ADAM33: variants seen among roughly 807,000 people sequenced by gnomAD.
The protein encoded by ADAM33 is ADAM metallopeptidase domain 33.
In ADAM33, 103 loss-of-function variants were observed where a neutral mutation model predicts 106.2. The observed-to-expected ratio is 0.97, with a 90% CI of 0.83 to 1.14. The LOEUF is 1.14. Ranked by LOEUF, ADAM33 falls within the 50% of genes most tolerant of loss-of-function variation. The pLI, the probability that ADAM33 is intolerant of heterozygous loss-of-function variation, is 0.00. For synonymous variants in ADAM33, 483 were observed against 453.0 expected, an observed-to-expected ratio of 1.07 and a Z score of -0.84; for missense variants, 1,120 against 1,096.6, an observed-to-expected ratio of 1.02 and a Z score of -0.30.
At chr20:3,672,948 C>A (rs781101933) in intron 11 of ADAM33, 50 bp from the exon 12 acceptor site, 2 of 1,477,592 alleles carry the variant, frequency 1.4e-6, no homozygotes, top group Non-Finnish European at 1.8e-6. Flanking sequence ...CCCCCAACCC[C>A]CGCGCTTCTC....
At chr20:3,671,190 C>T in intron 18 of ADAM33, 37 bp from the exon 19 acceptor site, 1 of 1,612,798 alleles carries the variant, frequency 6.2e-7, no homozygotes, top group African/African-American at 1.3e-5. Flanking sequence ...GAGTCCTGAG[C>T]AGGTGCACCA....
chr20:3,674,303 G>A lies in ADAM33; in HGVS notation c.601-19C>T, dbSNP rs1195875480. 1.2e-6 allele frequency: 2 copies of A among 1,613,668 alleles called. No homozygotes were observed. The highest frequency in any genetic ancestry group is 1.7e-6 in the Non-Finnish European group (2 of 1,180,016). On this transcript the variant is annotated intron_variant, in intron 6 of 21. Coordinates refer to ENST00000356518, the MANE Select transcript of ADAM33 (RefSeq NM_025220.5). ...GCCTGCCCTGCGGAGGTGCAAATGGGGACCCTGAGTGGAAGCTGCTGGGCT... is the reference window on the plus strand; with the variant it reads ...GCCTGCCCTGCGGAGGTGCAAATGGAGACCCTGAGTGGAAGCTGCTGGGCT...
intron 1 of ADAM33, among the ~76,000 whole-genome samples, chr20:3,680,567 G>A (rs2088399233): frequency 1.3e-5 from 2 of 152,186 alleles, no homozygotes; most frequent in African/African-American, 4.8e-5. Context: ...TCAGGCAGAT[G>A]AGGGCCGAGA....
At chr20:3,681,587 G>C (rs1330295262) in intron 1 of ADAM33, among the ~76,000 whole-genome samples, 1 of 143,662 alleles carries the variant, frequency 7.0e-6, no homozygotes, top group East Asian at 2.1e-4. Flanking sequence ...GAGAATCCAG[G>C]AAGAGGGGGC....
intron 2 of ADAM33, 97 bp from the exon 3 acceptor site, chr20:3,677,240 T>C: frequency 9.1e-7 from 1 of 1,101,760 alleles, no homozygotes; most frequent in Non-Finnish European, 1.2e-6. Flanking sequence ...GAGGAAGTTC[T>C]TGGGGAGAAC....
Sources: allele counts gnomAD v4.1 joint callset (sites outside exome capture counted in the v4.1 genomes callset), GRCh38; gene constraint gnomAD v4.1.1; transcripts MANE v1.5; gene names NCBI Gene and HGNC (gene_info 2026-07-23, HGNC 2026-07-21).